Variants in AKAP13 observed in about 807,000 individuals in gnomAD.
AKAP13 encodes the protein A-kinase anchoring protein 13.
A neutral mutation model predicts 264.5 loss-of-function variants in AKAP13; 80 were observed. The ratio of observed to expected loss-of-function variants is 0.30; its 90% CI spans 0.25 to 0.36. AKAP13 has a LOEUF of 0.36. Among genes scored for constraint, AKAP13 ranks in the 10% least tolerant of loss-of-function variants. AKAP13 has a pLI of 1.00. For missense variants in AKAP13, 3,712 were observed against 3,435.2 expected (o/e 1.08, Z -2.01); for synonymous variants, 1,380 against 1,250.2 (o/e 1.10, Z -2.19).
At chr15:85,485,618 G>T (rs2075514893) in intron 1 of AKAP13, 92 bp from the exon 2 acceptor site, 1 of 1,066,494 alleles carries the variant, frequency 9.4e-7, no homozygotes, top group Non-Finnish European at 1.4e-6. Flanking sequence ...TGTACTCACA[G>T]AGCTATGCTT....
intron 15 of AKAP13, among the ~76,000 whole-genome samples, chr15:85,682,627 A>C (rs1161901831): frequency 1.3e-5 from 2 of 152,180 alleles, no homozygotes; most frequent in African/African-American, 2.4e-5. Flanking sequence ...TTCTGTATAC[A>C]TGTAAATGAT....
At chr15:85,567,941 G>GGT (rs57049395) in intron 5 of AKAP13, among the ~76,000 whole-genome samples, 42,764 of 141,590 alleles carry the variant, frequency 0.3, 6,947 homozygotes, top group East Asian at 0.51. Context: ...AGCCCAAAGA[G>GGT]GTGTGTGTGT....
chr15:85,480,965 T>G (rs1436628918), intron 1 of AKAP13: 2 of 152,298 alleles, frequency 1.3e-5, no homozygotes, highest in Non-Finnish European at 2.9e-5. Context: ...ATTCTGGGAT[T>G]ACAGGCGTGT....
At chr15:85,529,307 G>A (rs2077177997) in intron 3 of AKAP13, among the ~76,000 whole-genome samples, 1 of 152,208 alleles carries the variant, frequency 6.6e-6, no homozygotes, top group South Asian at 2.1e-4. Context: ...TGTAGTCCCA[G>A]CTACTCAGGA....
chr15:85,671,433 C>CAAAAAAA (rs11296113), intron 14 of AKAP13, among the ~76,000 whole-genome samples: 1 of 70,566 alleles, frequency 1.4e-5, no homozygotes, highest in Admixed American at 2.1e-4. Context: ...GACACTGCCT[C>CAAAAAAA]AAAAAAAAAA....
rs571677531 is a variant in AKAP13 at position 85,394,198 on chromosome 15, G to T, written c.-12+13400G>T. Among the ~76,000 whole-genome samples, 4 of 152,324 alleles carry T rather than the reference G, an allele frequency of 2.6e-5. No homozygotes were observed. The East Asian group carries it at 7.7e-4, about 29-fold the overall frequency. On this transcript the variant is annotated intron_variant, in intron 1 of 36. Coordinates refer to ENST00000394518, the MANE Select transcript of AKAP13 (RefSeq NM_007200.5). ...GGGAGAAGGAGTAAGCAAGCCCTCA[G>T]TAAGAAAAATACAGGTATGCACCAT... is the stretch of plus-strand genomic sequence containing the variant.
Position 85,530,779 on chromosome 15 carries a change from C to T in AKAP13, c.182-2805C>T, listed in dbSNP as rs146457600. Among the ~76,000 whole-genome samples the T allele has an allele frequency of 1.8e-4, 27 of 152,286 alleles. No individual in the cohort carries two copies. In the East Asian group the frequency reaches 4.4e-3, roughly 25 times the overall value. On this transcript the variant is annotated intron_variant, in intron 3 of 36. Coordinates refer to ENST00000394518, the MANE Select transcript of AKAP13 (RefSeq NM_007200.5). ...CATACGTATCACTCCATCCATCCAT[C>T]GTTCATCATCCATCCACCATCAGTT... is the stretch of plus-strand genomic sequence containing the variant.
intron 10 of AKAP13, among the ~76,000 whole-genome samples, chr15:85,652,332 T>G (rs1052223860): frequency 7.2e-5 from 11 of 152,168 alleles, no homozygotes; most frequent in African/African-American, 2.7e-4. Context: ...CCTTCCAAGA[T>G]TGGATGCCAG....
Position 85,551,112 on chromosome 15 carries a change from C to T in AKAP13, c.662+7157C>T, listed in dbSNP as rs527727523. On this transcript the variant is annotated intron_variant, in intron 5 of 36. Coordinates refer to ENST00000394518, the MANE Select transcript of AKAP13 (RefSeq NM_007200.5). ...GAGGAGGCATGTTTGGTAGCATTTTCAGGCTTTTAACCTAATTAATTTATG... is the reference window on the plus strand; with the variant it reads ...GAGGAGGCATGTTTGGTAGCATTTTTAGGCTTTTAACCTAATTAATTTATG... 1.4e-4 allele frequency among the ~76,000 whole-genome samples: 21 copies of T among 152,234 alleles called. No individual in the cohort carries two copies. The South Asian group carries it at 4.1e-3, about 30-fold the overall frequency.
chr15:85,697,283 A>C (rs1417997459), intron 17 of AKAP13, among the ~76,000 whole-genome samples: 1 of 152,174 alleles, frequency 6.6e-6, no homozygotes, highest in South Asian at 2.1e-4. Flanking sequence ...GAAAATCACT[A>C]AAAGGGGCCG....
rs375751161 is a variant in AKAP13, at chr15:85,673,271, A to G, written c.5101+3441A>G. On this transcript the variant is annotated intron_variant, in intron 14 of 36. Transcript: ENST00000394518. Reference sequence around the variant, plus strand: ...GAGAGGGTGACTAAAATATTTCTGTATCACTTTCTGGGGTGGAGAGTAGGC... The same window carrying G: ...GAGAGGGTGACTAAAATATTTCTGTGTCACTTTCTGGGGTGGAGAGTAGGC... Among the ~76,000 whole-genome samples the G allele has an allele frequency of 2.6e-5, 4 of 152,204 alleles. No individual in the cohort carries two copies. In the East Asian group the frequency reaches 7.7e-4, roughly 29 times the overall value.
At chr15:85,685,850 T>G (rs977363798) in intron 16 of AKAP13, among the ~76,000 whole-genome samples, 2 of 152,078 alleles carry the variant, frequency 1.3e-5, no homozygotes, top group East Asian at 3.9e-4. Flanking sequence ...AATCTAAAAG[T>G]AAAAGAATGA....
intron 1 of AKAP13, among the ~76,000 whole-genome samples, chr15:85,413,688 G>C (rs2072093825): frequency 6.6e-6 from 1 of 152,144 alleles, no homozygotes. Flanking sequence ...TTTCAGCTCC[G>C]GACGGTGAGA....
Position 85,610,195 on chromosome 15 carries a change from C to A in AKAP13, c.4161+24372C>A, listed in dbSNP as rs1006754923. Among the ~76,000 whole-genome samples the A allele has an allele frequency of 4.6e-5, 7 of 152,192 alleles. No individual in the cohort carries two copies. The East Asian group carries it at 1.3e-3, about 29-fold the overall frequency. On this transcript the variant is annotated intron_variant, in intron 8 of 36. Coordinates refer to ENST00000394518, the MANE Select transcript of AKAP13 (RefSeq NM_007200.5). ...TTACAGAATTATGGTCAGTAAATGT[C>A]AGCATTGTTTCCTTTTACCTCATTG...
chr15:85,678,705 A>G (rs111906684), intron 14 of AKAP13, among the ~76,000 whole-genome samples: 26,585 of 151,646 alleles, frequency 0.18, 2,580 homozygotes, highest in Non-Finnish European at 0.22. Flanking sequence ...CTACTAAAAC[A>G]AACAAACAAA....
rs115437189 is a variant in AKAP13, at chr15:85,655,496, C to A, written c.4454C>A (p.Ser1485Tyr). The stretch of plus-strand genomic sequence containing the variant: ...GACACGGCTTCACTGGACCGACATT[C>A]TTCTCATGGCAGTGATGTGTCTCTC... ...TDDTASLDRHSSHGSDVSLSQ... is the reference protein window; with the variant it reads ...TDDTASLDRHYSHGSDVSLSQ... Residue 1485 changes from serine to tyrosine, a missense_variant, in exon 11 of 37, where the codon TCT becomes TAT. By Grantham distance (144) the Ser-to-Tyr change is moderately radical. This residue lies in a region of AKAP13 where 2,759 missense variants were observed against 2,411.7 expected (regional missense o/e 1.14). Transcript: ENST00000394518. 6.2e-7 allele frequency: 1 copy of A among 1,614,084 alleles called. No individual in the cohort carries two copies. Among genetic ancestry groups the A allele is most frequent in the African/African-American group, 1.3e-5 (1 of 74,926 alleles).
chr15:85,504,473 C>A (rs2076129964), intron 2 of AKAP13, among the ~76,000 whole-genome samples: 1 of 126,420 alleles, frequency 7.9e-6, no homozygotes, highest in Non-Finnish European at 1.5e-5. Flanking sequence ...TCAGGACCAG[C>A]CTATGCGATG....
intron 3 of AKAP13, among the ~76,000 whole-genome samples, chr15:85,529,236 G>C (rs961677273): frequency 3.3e-5 from 5 of 152,032 alleles, no homozygotes; most frequent in Non-Finnish European, 7.4e-5. Flanking sequence ...CCTGGCTAAT[G>C]CAATGAAACC....
chr15:85,720,258 CTCTGTGTGTG>C (rs2087200149), intron 23 of AKAP13, among the ~76,000 whole-genome samples: 5 of 36,376 alleles, frequency 1.4e-4, no homozygotes, highest in Admixed American at 1.1e-3. Flanking sequence ...TAAAAACAAA[CTCTGTGTGTG>C]TGTGTGTGTG....
Sources: allele counts gnomAD v4.1 joint callset (sites outside exome capture counted in the v4.1 genomes callset), GRCh38; gene constraint gnomAD v4.1.1; regional missense constraint gnomAD v4.1.1; transcripts MANE v1.5; gene names NCBI Gene and HGNC (gene_info 2026-07-23, HGNC 2026-07-21).